DCDC1: variants seen among roughly 807,000 people sequenced by gnomAD.
DCDC1 encodes the protein doublecortin domain containing 1.
A neutral mutation model predicts 178.3 loss-of-function variants in DCDC1; 200 were observed. That is an observed-to-expected ratio of 1.12 (90% CI 1.00 to 1.26). The LOEUF (loss-of-function observed/expected upper bound fraction) is 1.26, where lower values mean the gene tolerates loss of function less well. DCDC1 is among the 50% of genes most tolerant of loss of function. The probability of loss-of-function intolerance (pLI) is 0.00; values close to 1 mark genes in which losing one functional copy is unlikely to be tolerated. For synonymous variants in DCDC1, 690 were observed against 604.8 expected (o/e 1.14, Z -2.07); for missense variants, 1,983 against 1,749.2 (o/e 1.13, Z -2.38).
At chr11:31,314,386 A>G (rs918800195) in intron 3 of DCDC1, 1 of 152,188 alleles carries the variant, frequency 6.6e-6, no homozygotes, top group Non-Finnish European at 1.5e-5. Flanking sequence ...TTAGTTGTAC[A>G]TCTATTGAAG....
chr11:31,067,599 T>C (rs1159397528), intron 18 of DCDC1, among the ~76,000 whole-genome samples: 1 of 152,066 alleles, frequency 6.6e-6, no homozygotes, highest in Non-Finnish European at 1.5e-5. Flanking sequence ...CCAATATTCA[T>C]AGCAACATTA....
intron 9 of DCDC1, among the ~76,000 whole-genome samples, chr11:31,209,294 T>G (rs983182804): frequency 6.6e-6 from 1 of 152,136 alleles, no homozygotes; most frequent in African/African-American, 2.4e-5. Context: ...CCCTCCGAGG[T>G]AACATACCTG....
intron 21 of DCDC1, among the ~76,000 whole-genome samples, chr11:30,949,604 C>T (rs556412926): frequency 4.6e-5 from 7 of 152,058 alleles, no homozygotes; most frequent in African/African-American, 1.7e-4. Context: ...TGAAACCAAC[C>T]CAAATGCCCA....
chr11:31,143,714 G>A (rs1334438114), intron 9 of DCDC1, among the ~76,000 whole-genome samples: 1 of 152,154 alleles, frequency 6.6e-6, no homozygotes, highest in Non-Finnish European at 1.5e-5. Context: ...TTTTAGTAAT[G>A]TAATCTCACT....
At chr11:30,867,653 A>G (rs1941119910) in intron 38 of DCDC1, among the ~76,000 whole-genome samples, 1 of 152,150 alleles carries the variant, frequency 6.6e-6, no homozygotes, top group African/African-American at 2.4e-5. Context: ...TGGCTACCAC[A>G]AAGTCATGCT....
In DCDC1 at chr11:30,888,082, GAGAAAGAAAGAAAGAA is replaced by G. The variant is rs1375836230; in HGVS notation, c.5082+4720_5082+4735del. On this transcript the variant is annotated intron_variant, in intron 36 of 38. Transcript: ENST00000684477. Reference sequence around the variant, plus strand: ...AGAAAGAGAGAGAGAGAGAGAGAGAGAGAAAGAAAGAAAGAAAAAGAAAGAAAGAAAGAAAGAAAGA... The same window carrying G: ...AGAAAGAGAGAGAGAGAGAGAGAGAGAAAGAAAGAAAGAAAGAAAGAAAGA... Among the ~76,000 whole-genome samples the G allele has an allele frequency of 3.0e-3, 291 of 96,334 alleles. 1 individual carries two copies. The highest frequency in any genetic ancestry group is 2.8e-3 in the Non-Finnish European group (134 of 47,272). The allele number at this position is 96,334 out of a possible 152,430, so 63.2% of individuals were successfully genotyped here.
intron 36 of DCDC1, among the ~76,000 whole-genome samples, chr11:30,890,412 A>G (rs1282147184): frequency 6.6e-6 from 1 of 152,144 alleles, no homozygotes; most frequent in Non-Finnish European, 1.5e-5. Context: ...AAGGTGTTGA[A>G]TCTTCTCCAT....
chr11:31,303,714 G>C (rs1948269645), intron 6 of DCDC1, among the ~76,000 whole-genome samples: 1 of 152,050 alleles, frequency 6.6e-6, no homozygotes, highest in African/African-American at 2.4e-5. Flanking sequence ...GCTCAACTTA[G>C]ATGAATGGCT....
intron 9 of DCDC1, among the ~76,000 whole-genome samples, chr11:31,153,554 G>A (rs1205512658): frequency 5.9e-5 from 9 of 152,046 alleles, no homozygotes; most frequent in African/African-American, 9.7e-5. Flanking sequence ...AGGCCGAGGC[G>A]GGCGGATCAC....
intron 9 of DCDC1, among the ~76,000 whole-genome samples, chr11:31,177,339 GA>G (rs1309113340): frequency 6.6e-6 from 1 of 151,210 alleles, no homozygotes; most frequent in African/African-American, 2.4e-5. Context: ...TAGCACCACA[GA>G]AAACCACCAA....
chr11:31,238,503 C>T (rs1011151025), intron 9 of DCDC1, among the ~76,000 whole-genome samples: 2 of 152,064 alleles, frequency 1.3e-5, no homozygotes, highest in African/African-American at 4.8e-5. Flanking sequence ...CACAGCCTTC[C>T]TCATTCACTG....
chr11:30,908,610 T>C (rs1002142340), intron 29 of DCDC1, among the ~76,000 whole-genome samples: 1 of 152,162 alleles, frequency 6.6e-6, no homozygotes, highest in Non-Finnish European at 1.5e-5. Context: ...ATGTCTGGGG[T>C]TGGCAAACAT....
intron 6 of DCDC1, among the ~76,000 whole-genome samples, chr11:31,297,360 T>TA (rs1017961164): frequency 6.6e-6 from 1 of 151,752 alleles, no homozygotes; most frequent in African/African-American, 2.4e-5. Flanking sequence ...ACTAGCCATT[T>TA]TTTTTTTAAT....
At chr11:30,868,546 C>T (rs1220903049) in intron 38 of DCDC1, among the ~76,000 whole-genome samples, 1 of 152,066 alleles carries the variant, frequency 6.6e-6, no homozygotes, top group Non-Finnish European at 1.5e-5. Context: ...CCACCACGCC[C>T]AGCCCATACC....
intron 25 of DCDC1, among the ~76,000 whole-genome samples, chr11:30,918,805 G>A (rs1946041006): frequency 6.6e-6 from 1 of 152,122 alleles, no homozygotes; most frequent in Admixed American, 6.5e-5. Flanking sequence ...GTGAGGAAAT[G>A]AGAAAGTTTC....
intron 18 of DCDC1, among the ~76,000 whole-genome samples, chr11:31,071,873 T>C (rs1321391019): frequency 6.6e-6 from 1 of 152,194 alleles, no homozygotes; most frequent in Non-Finnish European, 1.5e-5. Flanking sequence ...TAGAGTTAGA[T>C]CTTCCAGCCT....
In DCDC1 at chr11:30,881,314, A is replaced by G; in HGVS notation, c.5083-6T>C. The G allele has an allele frequency of 6.2e-7, 1 of 1,612,434 alleles. No homozygotes were observed. The highest frequency in any genetic ancestry group is 8.5e-7 in the Non-Finnish European group (1 of 1,179,174). ...GAGGAGCAGTCTTGCAGCAGCTGAG[A>G]CACAGAGGGACAGCCACATTTGAAT... On this transcript the variant is annotated splice_polypyrimidine_tract_variant and splice_region_variant and intron_variant, in intron 36 of 38. Coordinates refer to ENST00000684477, the MANE Select transcript of DCDC1 (RefSeq NM_001387274.1).
At chr11:31,160,348 A>T (rs1966197881) in intron 9 of DCDC1, among the ~76,000 whole-genome samples, 1 of 152,140 alleles carries the variant, frequency 6.6e-6, no homozygotes, top group African/African-American at 2.4e-5. Flanking sequence ...ATTTGTGACA[A>T]CTTTGTTTCT....
intron 6 of DCDC1, among the ~76,000 whole-genome samples, chr11:31,294,858 GAAAGAAAGAAAA>G (rs1364521256): frequency 4.2e-5 from 5 of 118,888 alleles, no homozygotes; most frequent in Middle Eastern, 4.3e-3. Flanking sequence ...AAGAAAGAAA[GAAAGAAAGAAAA>G]AGAAAACAGA....
Sources: gnomAD v4.1 joint callset for allele counts (sites outside exome capture counted in the v4.1 genomes callset) on GRCh38, gnomAD v4.1.1 for gene constraint, MANE v1.5 for transcripts, NCBI Gene and HGNC (gene_info 2026-07-23, HGNC 2026-07-21) for gene names.